Variants in MED12 observed in about 807,000 individuals in gnomAD.
MED12 encodes the protein mediator complex subunit 12, also known as mediator of RNA polymerase II transcription subunit 12.
A neutral mutation model predicts 177.7 loss-of-function variants in MED12; 10 were observed. The ratio of observed to expected loss-of-function variants is 0.06; its 90% confidence interval spans 0.03 to 0.10. The LOEUF (loss-of-function observed/expected upper bound fraction) is 0.10. Ranked by LOEUF, MED12 falls within the 10% of genes least tolerant of loss-of-function variation. The pLI, the probability that MED12 is intolerant of heterozygous loss-of-function variation, is 1.00. For missense variants in MED12, 867 were observed against 1,780.8 expected, an observed-to-expected ratio of 0.49 and a Z score of 9.23; for synonymous variants, 641 against 678.4, an observed-to-expected ratio of 0.94 and a Z score of 0.86.
intron 41 of MED12, among the ~76,000 whole-genome samples, chrX:71,140,372 G>A (rs1032616193): frequency 3.6e-5 from 4 of 110,400 alleles, no homozygotes; most frequent in Admixed American, 1.9e-4. Flanking sequence ...GTGAGCCACC[G>A]CACCCAGCCC....
At chrX:71,133,263 G>T (rs180686238) in intron 33 of MED12, 51 bp downstream of exon 33, 1 of 899,551 alleles carries the variant, frequency 1.1e-6, no homozygotes, top group South Asian at 2.0e-5. Context: ...CTGGAAATGC[G>T]GAGTGCAAAA....
In MED12 at chrX:71,134,949, G is replaced by A. The variant is rs898430753; in HGVS notation, c.4863+101G>A. On this transcript the variant is annotated intron_variant, in intron 35 of 44. Transcript: ENST00000374080. ...GGAGCCCTCTACCTTTCCTTCTCACGTCTGCCTTTTCTTTGTTACTCATGC... is the reference window on the plus strand; with the variant it reads ...GGAGCCCTCTACCTTTCCTTCTCACATCTGCCTTTTCTTTGTTACTCATGC... The A allele has an allele frequency of 4.5e-5, 53 of 1,165,669 alleles. No homozygotes were observed. In the Admixed American group the frequency reaches 1.0e-3, roughly 22 times the overall value.
At chrX:71,141,781 GA>G in intron 43 of MED12, 101 bp from the exon 44 acceptor site, 1 of 728,747 alleles carries the variant, frequency 1.4e-6, no homozygotes, top group East Asian at 3.5e-5. Flanking sequence ...CAGCCTGGGG[GA>G]CAGAGCGAGA....
intron 36 of MED12, 42 bp from the exon 37 acceptor site, chrX:71,136,239 T>C: frequency 8.3e-7 from 1 of 1,209,390 alleles, no homozygotes; most frequent in Non-Finnish European, 1.1e-6. Flanking sequence ...TCTTCTGTTT[T>C]CTAAGTCCCA....
chrX:71,131,245 C>A (rs767350460), intron 28 of MED12, among the ~76,000 whole-genome samples: 1 of 108,456 alleles, frequency 9.2e-6, no homozygotes. Context: ...TCTCCTGCCT[C>A]AGCCTCCTGA....
At position 71,118,633 on chromosome X, in the gene MED12, C is replaced by T. The variant is rs2092280887; in HGVS notation, c.-122C>T. ...TGGTCGAGAGTTTCTAACGTGCCCC[C>T]TTGTTGTCTCTCGGCCGCCGTCCTC... is the stretch of plus-strand genomic sequence containing the variant. On this transcript the variant is annotated 5_prime_UTR_variant, in exon 1 of 45. Transcript: ENST00000374080. 2 of 598,197 alleles carry T rather than the reference C, an allele frequency of 3.3e-6. No homozygotes were observed. Among genetic ancestry groups the T allele is most frequent in the Admixed American group, 2.7e-5 (1 of 37,609 alleles). 49.3% of individuals were successfully genotyped at this position (598,197 alleles called of 1,213,427 possible).
intron 28 of MED12, 36 bp from the exon 29 acceptor site, chrX:71,131,514 A>G (rs766885307): frequency 2.5e-6 from 3 of 1,195,980 alleles, no homozygotes; most frequent in South Asian, 1.8e-5. Context: ...GGGTAACACG[A>G]TGATGACTAG....
chrX:71,123,800 G>A, intron 12 of MED12, 80 bp downstream of exon 12: 7 of 1,023,915 alleles, frequency 6.8e-6, no homozygotes, highest in Non-Finnish European at 8.1e-6. Context: ...ATAATTAACA[G>A]CCCTCTGGTC....
In MED12 at chrX:71,132,767, CCTCTTCTCTTCTCTTCTCTT is replaced by C. The variant is rs56658066; in HGVS notation, c.4416-35_4416-16del. The C allele has an allele frequency of 8.1e-3, 5,311 of 653,407 alleles. 175 individuals are homozygous for C. The African/African-American group carries it at 0.095, about 12-fold the overall frequency. The allele number at this position is 653,407 out of a possible 1,213,427, so 53.8% of individuals were successfully genotyped here. On this transcript the variant is annotated intron_variant, in intron 31 of 44. Transcript: ENST00000374080. Reference sequence around the variant, plus strand: ...TCCCTTTTCTCCTCTCCTCTTCTCTCCTCTTCTCTTCTCTTCTCTTCTCTTCTCTTCTCTTCTCTTCTCTT... The same window carrying C: ...TCCCTTTTCTCCTCTCCTCTTCTCTCCTCTTCTCTTCTCTTCTCTTCTCTT...
chrX:71,138,677 C>A (rs1365228161), intron 41 of MED12, among the ~76,000 whole-genome samples: 2 of 108,915 alleles, frequency 1.8e-5, no homozygotes, highest in African/African-American at 6.7e-5. Context: ...GAGTTTGAGG[C>A]TGCAGTGAGC....
chrX:71,132,309 G>A, intron 30 of MED12, 68 bp from the exon 31 acceptor site: 1 of 1,185,480 alleles, frequency 8.4e-7, no homozygotes, highest in South Asian at 1.8e-5. Flanking sequence ...ATCAGGGAAA[G>A]GAGAGGATAG....
In MED12 at chrX:71,142,293, C is replaced by A; in HGVS notation, c.*75C>A. 9.3e-7 allele frequency: 1 copy of A among 1,071,469 alleles called. No homozygotes were observed. Among genetic ancestry groups the A allele is most frequent in the Non-Finnish European group, 1.3e-6 (1 of 767,825 alleles). 88.3% of individuals were successfully genotyped at this position (1,071,469 alleles called of 1,213,427 possible). On this transcript the variant is annotated 3_prime_UTR_variant, in exon 45 of 45. Coordinates refer to ENST00000374080, the MANE Select transcript of MED12 (RefSeq NM_005120.3). ...CTTAATTCCCAATCCCATTCCTGGG[C>A]TAGCACCAGTAGTGGTTGGGGCCCT...
intron 36 of MED12, among the ~76,000 whole-genome samples, chrX:71,135,930 T>G (rs187569030): frequency 1.7e-3 from 185 of 109,556 alleles, no homozygotes; most frequent in Non-Finnish European, 2.6e-3. Flanking sequence ...TTTTCTGTCT[T>G]CCTCTGAATG....
intron 3 of MED12, 57 bp downstream of exon 3, chrX:71,119,934 C>T (rs778055334): frequency 1.7e-5 from 21 of 1,202,470 alleles, no homozygotes; most frequent in Admixed American, 4.4e-5. Context: ...TACCAAGTAC[C>T]CTCCTATTCC....
At chrX:71,128,938 A>G in intron 24 of MED12, 176 bp from the exon 25 acceptor site, 1 of 558,750 alleles carries the variant, frequency 1.8e-6, no homozygotes, top group Non-Finnish European at 3.0e-6. Context: ...TCAACTGCGT[A>G]ACAGTTCTCT....
Position 71,125,090 on chromosome X carries a change from G to T in MED12, c.2170G>T (p.Val724Phe), listed in dbSNP as rs764894174. Residue 724 changes from valine (V) to phenylalanine (F), a missense_variant, in exon 15 of 45, where the codon GTT (valine) becomes TTT (phenylalanine). By Grantham distance (50) the Val-to-Phe change is conservative. Around this residue, in one of 14 missense-constraint regions of MED12, gnomAD observed 309 missense variants for 556.3 expected, o/e 0.56. Transcript: ENST00000374080. The part of the protein sequence containing the change: ...PKEKIEGTLG[V>F]LYDQPRHVQY... ...GGAGAAGATTGAAGGGACCCTTGGGGTTCTTTACGACCAGCCACGACACGT... is the reference window on the plus strand; with the variant it reads ...GGAGAAGATTGAAGGGACCCTTGGGTTTCTTTACGACCAGCCACGACACGT... The T allele has an allele frequency of 9.1e-6, 11 of 1,208,599 alleles. No individual in the cohort carries two copies. In the African/African-American group the frequency reaches 1.9e-4, roughly 21 times the overall value.
Position 71,122,526 on chromosome X carries a change from GAGATCGAGCAGC to G in MED12, c.1273_1284del (p.Glu425_Ile428del). 8.3e-7 allele frequency: 1 copy of G among 1,211,665 alleles called. No individual in the cohort carries two copies. The highest frequency in any genetic ancestry group is 1.1e-6 in the Non-Finnish European group (1 of 895,203). On this transcript the variant is annotated inframe_deletion, in exon 9 of 45. Coordinates refer to ENST00000374080, the MANE Select transcript of MED12 (RefSeq NM_005120.3). ...ATTGCAGGTCCGTGCAAAGTTGCGG[GAGATCGAGCAGC>G]AGATCAAGGAGCGGGGACAGGCAGT...
At position 71,133,209 on chromosome X, in the gene MED12, C is replaced by A; in HGVS notation, c.4614C>A (p.Asn1538Lys). 1 of 1,190,388 alleles carries A rather than the reference C, an allele frequency of 8.4e-7. No homozygotes were observed. The highest frequency in any genetic ancestry group is 1.8e-5 in the South Asian group (1 of 56,480). Residue 1538 changes from asparagine to lysine, a missense_variant, in exon 33 of 45, where the codon AAC (asparagine) becomes AAA (lysine). Asn to Lys is a moderately conservative substitution (Grantham distance 94). Coordinates refer to ENST00000374080, the MANE Select transcript of MED12 (RefSeq NM_005120.3). ...LMHEALKLRL[N>K]LVGGMFDTVQ... ...ATGAGGCACTCAAACTGCGGCTCAA[C>A]CTGGTGAGAAGGCCAGCTGGGGAGA...
In MED12 at chrX:71,121,387, C is replaced by T. The variant is rs1222426673; in HGVS notation, c.796C>T (p.Arg266Cys). 3 of 1,209,949 alleles carry T rather than the reference C, an allele frequency of 2.5e-6. No homozygotes were observed. Among genetic ancestry groups the T allele is most frequent in the Admixed American group, 2.2e-5 (1 of 45,720 alleles). ...TWVLECFEKI[R>C]PGEDELLKLL... ...GGTGCTTGAGTGTTTTGAGAAGATC[C>T]GCCCTGGAGAGGATGAATTGCTTAA... Residue 266 changes from arginine to cysteine, a missense_variant, in exon 6 of 45, where the codon CGC (arginine) becomes TGC (cysteine). Coordinates refer to ENST00000374080, the MANE Select transcript of MED12 (RefSeq NM_005120.3).
Sources: allele counts gnomAD v4.1 joint callset (sites outside exome capture counted in the v4.1 genomes callset), GRCh38; gene constraint gnomAD v4.1.1; regional missense constraint gnomAD v4.1.1; transcripts MANE v1.5; gene names NCBI Gene and HGNC (gene_info 2026-07-23, HGNC 2026-07-21).